MEIS2: variants seen among roughly 807,000 people sequenced by gnomAD.
MEIS2 encodes homeobox protein Meis2.
A neutral mutation model predicts 58.6 loss-of-function variants in MEIS2; 9 were observed. That is an observed-to-expected ratio of 0.15 (90% CI 0.09 to 0.27). The LOEUF (loss-of-function observed/expected upper bound fraction) is 0.27, where lower values mean the gene tolerates loss of function less well. MEIS2 is among the 10% of genes least tolerant of loss of function. The pLI, the probability that MEIS2 is intolerant of heterozygous loss-of-function variation, is 1.00. For missense variants in MEIS2, 427 were observed against 635.0 expected, an observed-to-expected ratio of 0.67 and a Z score of 3.52; for synonymous variants, 221 against 228.4, an observed-to-expected ratio of 0.97 and a Z score of 0.29.
intron 8 of MEIS2, among the ~76,000 whole-genome samples, chr15:36,977,529 A>C (rs925609343): frequency 2.0e-5 from 3 of 152,208 alleles, no homozygotes; most frequent in Non-Finnish European, 2.9e-5. Flanking sequence ...AGAAGGAATA[A>C]TAATGCCTAC....
At chr15:37,007,050 T>C (rs550951321) in intron 8 of MEIS2, among the ~76,000 whole-genome samples, 1 of 152,310 alleles carries the variant, frequency 6.6e-6, no homozygotes, top group East Asian at 1.9e-4. Context: ...TTGCTTAACA[T>C]GTGAAATGAG....
chr15:37,095,768 TC>T (rs1246612498), intron 3 of MEIS2, 154 bp from the exon 4 acceptor site: 4 of 1,101,008 alleles, frequency 3.6e-6, no homozygotes, highest in Non-Finnish European at 5.2e-6. Flanking sequence ...ATTAGTGGAG[TC>T]CCTGAAGAAG....
rs142951406 is a variant in MEIS2, at chr15:37,063,645, T to C, written c.754+20126A>G. Among the ~76,000 whole-genome samples, 270 of 152,336 alleles carry C rather than the reference T, an allele frequency of 1.8e-3. 1 individual carries two copies. Among genetic ancestry groups the C allele is most frequent in the African/African-American group, 6.0e-3 (250 of 41,578 alleles). ...CTGCCATATTTGGGTATACATATCA[T>C]AGGTACTTTTCCTTGATCTAGCACT... is the stretch of plus-strand genomic sequence containing the variant. On this transcript the variant is annotated intron_variant, in intron 7 of 11. Transcript: ENST00000561208.
intron 8 of MEIS2, among the ~76,000 whole-genome samples, chr15:36,996,566 A>G (rs1346555281): frequency 2.0e-5 from 3 of 152,340 alleles, no homozygotes; most frequent in Admixed American, 6.5e-5. Context: ...TTCAGAGTAA[A>G]GTCAAGGAAT....
At chr15:36,923,225 A>C (rs1318015741) in intron 9 of MEIS2, among the ~76,000 whole-genome samples, 1 of 152,216 alleles carries the variant, frequency 6.6e-6, no homozygotes, top group African/African-American at 2.4e-5. Context: ...CCAAGGAGGA[A>C]GCAATGCAAG....
intron 1 of MEIS2, 180 bp from the exon 2 acceptor site, chr15:37,098,379 G>GAGAGAGA (rs1894604857): frequency 1.3e-5 from 4 of 307,896 alleles, no homozygotes; most frequent in African/African-American, 1.0e-4. Context: ...GAGGAGAGGG[G>GAGAGAGA]GAGAGAGAGA....
intron 8 of MEIS2, among the ~76,000 whole-genome samples, chr15:36,954,474 A>C (rs1248401322): frequency 6.8e-6 from 1 of 148,038 alleles, no homozygotes; most frequent in Admixed American, 6.8e-5. Flanking sequence ...TAATTATATA[A>C]ATTAATTATA....
chr15:36,967,297 A>AT (rs888470762), intron 8 of MEIS2, among the ~76,000 whole-genome samples: 1 of 152,118 alleles, frequency 6.6e-6, no homozygotes, highest in Admixed American at 6.6e-5. Flanking sequence ...CTTAAAAGTG[A>AT]TTTTTTAAAA....
At chr15:36,900,688 C>T (rs1019858076) in intron 9 of MEIS2, among the ~76,000 whole-genome samples, 1 of 152,134 alleles carries the variant, frequency 6.6e-6, no homozygotes, top group Non-Finnish European at 1.5e-5. Context: ...TCCCAGAGAC[C>T]TCTCCTGTCC....
At chr15:37,031,967 T>C (rs1412219333) in intron 8 of MEIS2, among the ~76,000 whole-genome samples, 2 of 151,820 alleles carry the variant, frequency 1.3e-5, no homozygotes, top group Non-Finnish European at 2.9e-5. Flanking sequence ...GCCTACTGAG[T>C]AGCAGGGACC....
intron 8 of MEIS2, among the ~76,000 whole-genome samples, chr15:37,009,250 C>T (rs2061040280): frequency 1.3e-5 from 2 of 152,072 alleles, no homozygotes; most frequent in Admixed American, 6.5e-5. Context: ...GATCGCGCCA[C>T]TGCACTCCAG....
intron 9 of MEIS2, among the ~76,000 whole-genome samples, chr15:36,931,707 C>T (rs1211382920): frequency 6.6e-6 from 1 of 152,128 alleles, no homozygotes; most frequent in African/African-American, 2.4e-5. Context: ...AATTAGCAAT[C>T]CCAAAATGAG....
chr15:36,952,732 T>G (rs1336498224), intron 8 of MEIS2, among the ~76,000 whole-genome samples: 1 of 151,758 alleles, frequency 6.6e-6, no homozygotes, highest in Admixed American at 6.6e-5. Context: ...AATGGGAGAT[T>G]ACTGGAGAGC....
At chr15:36,996,865 G>T (rs920447444) in intron 8 of MEIS2, among the ~76,000 whole-genome samples, 1 of 152,154 alleles carries the variant, frequency 6.6e-6, no homozygotes, top group African/African-American at 2.4e-5. Context: ...CCAGAAATGG[G>T]AGTAACTCTC....
intron 7 of MEIS2, among the ~76,000 whole-genome samples, chr15:37,078,784 G>C (rs1891803155): frequency 6.6e-6 from 1 of 152,034 alleles, no homozygotes; most frequent in African/African-American, 2.4e-5. Flanking sequence ...TTTTGTTTAT[G>C]AGGCAGTATT....
chr15:36,967,139 T>C (rs1157619), intron 8 of MEIS2, among the ~76,000 whole-genome samples: 125,111 of 152,178 alleles, frequency 0.82, 51,617 homozygotes, highest in East Asian at 0.93. Flanking sequence ...TGCTCTGTCA[T>C]GTAATGGGAG....
intron 8 of MEIS2, among the ~76,000 whole-genome samples, chr15:36,990,691 A>G (rs965923783): frequency 6.6e-6 from 1 of 152,116 alleles, no homozygotes; most frequent in Non-Finnish European, 1.5e-5. Context: ...ACAATGGACC[A>G]ATTTAAAGTG....
At chr15:36,967,844 C>A (rs186207888) in intron 8 of MEIS2, among the ~76,000 whole-genome samples, 2 of 152,318 alleles carry the variant, frequency 1.3e-5, no homozygotes, top group Admixed American at 1.3e-4. Flanking sequence ...TACCTCTCCT[C>A]CCCATGAATT....
chr15:37,069,176 G>A (rs1890350950), intron 7 of MEIS2, among the ~76,000 whole-genome samples: 2 of 152,020 alleles, frequency 1.3e-5, no homozygotes, highest in Admixed American at 6.6e-5. Context: ...TCCATTTAGT[G>A]GCTAATAACT....
Sources: gnomAD v4.1 joint callset for allele counts (sites outside exome capture counted in the v4.1 genomes callset) on GRCh38, gnomAD v4.1.1 for gene constraint, MANE v1.5 for transcripts, NCBI Gene and HGNC (gene_info 2026-07-23, HGNC 2026-07-21) for gene names.